The following GPC6 variants were observed in gnomAD, a reference collection of about 807,000 sequenced individuals.
GPC6 encodes glypican 6.
In GPC6, 14 loss-of-function variants were observed where a neutral mutation model predicts 55.2. The observed-to-expected ratio is 0.25, with a 90% CI of 0.17 to 0.40. The LOEUF (loss-of-function observed/expected upper bound fraction) is 0.40, where lower values mean the gene tolerates loss of function less well. Among genes scored for constraint, GPC6 ranks in the 10% least tolerant of loss-of-function variants. The pLI, the probability that GPC6 is intolerant of heterozygous loss-of-function variation, is 1.00. For synonymous variants in GPC6, 278 were observed against 259.6 expected (o/e 1.07, Z -0.68); for missense variants, 641 against 708.5 (o/e 0.90, Z 1.08).
chr13:93,904,789 G>A lies in GPC6; in HGVS notation c.711+74244G>A, dbSNP rs997427151. The stretch of plus-strand genomic sequence containing the variant: ...TCTACTTTTTTTAAAATTTATTATT[G>A]TTATACTTTAAGTTTTAGGGTACGT... On this transcript the variant is annotated intron_variant, in intron 3 of 8. Coordinates refer to ENST00000377047, the MANE Select transcript of GPC6 (RefSeq NM_005708.5). Among the ~76,000 whole-genome samples the A allele has an allele frequency of 2.0e-5, 3 of 151,992 alleles. No homozygotes were observed. In the East Asian group the frequency reaches 5.8e-4, roughly 30 times the overall value.
chr13:93,993,127 A>C (rs561655186), intron 3 of GPC6, among the ~76,000 whole-genome samples: 1 of 152,254 alleles, frequency 6.6e-6, no homozygotes, highest in East Asian at 1.9e-4. Context: ...CTAAGTCTGA[A>C]AACTAATAAT....
chr13:94,397,419 G>A (rs1360253316), intron 7 of GPC6, among the ~76,000 whole-genome samples: 1 of 152,050 alleles, frequency 6.6e-6, no homozygotes, highest in Non-Finnish European at 1.5e-5. Context: ...TGACATTTTG[G>A]TACAAGGGAA....
intron 2 of GPC6, among the ~76,000 whole-genome samples, chr13:93,783,995 A>G (rs76148526): frequency 6.6e-6 from 1 of 152,342 alleles, no homozygotes; most frequent in African/African-American, 2.4e-5. Context: ...ATAAAATGTT[A>G]TAAATGTTTC....
chr13:93,364,699 A>G (rs1881177877), intron 1 of GPC6, among the ~76,000 whole-genome samples: 1 of 145,294 alleles, frequency 6.9e-6, no homozygotes, highest in South Asian at 2.2e-4. Flanking sequence ...ATATATATAC[A>G]CACACACATA....
chr13:93,516,829 T>C (rs1170887764), intron 1 of GPC6, among the ~76,000 whole-genome samples: 2 of 152,120 alleles, frequency 1.3e-5, no homozygotes, highest in Non-Finnish European at 2.9e-5. Flanking sequence ...TAAAATCACC[T>C]CCAGCTTTTG....
chr13:94,174,941 G>T (rs1888693396), intron 4 of GPC6, among the ~76,000 whole-genome samples: 1 of 152,060 alleles, frequency 6.6e-6, no homozygotes, highest in Non-Finnish European at 1.5e-5. Context: ...GGTTCCTGTA[G>T]CTATCTCTGA....
At chr13:93,823,090 C>T (rs924396592) in intron 2 of GPC6, among the ~76,000 whole-genome samples, 1 of 151,918 alleles carries the variant, frequency 6.6e-6, no homozygotes. Flanking sequence ...GTCTCGATCT[C>T]CTGGCCTCAT....
intron 2 of GPC6, among the ~76,000 whole-genome samples, chr13:93,564,237 T>G (rs78794162): frequency 0.056 from 8,532 of 152,212 alleles, 302 homozygotes; most frequent in Non-Finnish European, 0.08. Flanking sequence ...TATTTAACTT[T>G]TTTTCCTAAT....
intron 1 of GPC6, among the ~76,000 whole-genome samples, chr13:93,497,975 A>G (rs1880371176): frequency 6.6e-6 from 1 of 152,150 alleles, no homozygotes; most frequent in Admixed American, 6.5e-5. Context: ...GTGCTCAAAT[A>G]TTTCTAACTT....
chr13:93,798,055 A>G (rs558681992), intron 2 of GPC6, among the ~76,000 whole-genome samples: 1 of 152,206 alleles, frequency 6.6e-6, no homozygotes, highest in Admixed American at 6.5e-5. Flanking sequence ...TCCCTGAAGG[A>G]TTGTTGAGAT....
chr13:93,422,078 C>G (rs1050808034), intron 1 of GPC6, among the ~76,000 whole-genome samples: 1 of 152,140 alleles, frequency 6.6e-6, no homozygotes, highest in Non-Finnish European at 1.5e-5. Context: ...TGATACACTT[C>G]CACTTTGGGC....
intron 4 of GPC6, among the ~76,000 whole-genome samples, chr13:94,224,878 C>T (rs1286748603): frequency 6.6e-6 from 1 of 152,138 alleles, no homozygotes. Context: ...CTCTTGGTAG[C>T]TATTGCTTTG....
Position 94,180,021 on chromosome 13 carries a change from C to T in GPC6, c.878-106328C>T, listed in dbSNP as rs138075182. On this transcript the variant is annotated intron_variant, in intron 4 of 8. Transcript: ENST00000377047. ...AATAGTGAGATGAGTGAGCAGGTACCATTGTGTGCAGGATTTGGTAGAGGC... is the reference window on the plus strand; with the variant it reads ...AATAGTGAGATGAGTGAGCAGGTACTATTGTGTGCAGGATTTGGTAGAGGC... Among the ~76,000 whole-genome samples, 4 of 152,210 alleles carry T rather than the reference C, an allele frequency of 2.6e-5. No homozygotes were observed. The East Asian group carries it at 7.7e-4, about 29-fold the overall frequency.
chr13:93,375,999 C>G (rs1874878727), intron 1 of GPC6, among the ~76,000 whole-genome samples: 1 of 150,938 alleles, frequency 6.6e-6, no homozygotes, highest in Non-Finnish European at 1.5e-5. Context: ...TGGTGGTGGA[C>G]TACCTCAGAG....
At chr13:94,101,701 T>C (rs1885866176) in intron 4 of GPC6, among the ~76,000 whole-genome samples, 1 of 151,958 alleles carries the variant, frequency 6.6e-6, no homozygotes, top group South Asian at 2.1e-4. Context: ...GAAAAAGCAA[T>C]AATAAAAGGT....
intron 4 of GPC6, among the ~76,000 whole-genome samples, chr13:94,085,590 C>T (rs553380484): frequency 1.1e-4 from 16 of 152,070 alleles, no homozygotes; most frequent in African/African-American, 3.9e-4. Flanking sequence ...ATTTTTATGA[C>T]CTTATTTTTT....
chr13:93,641,648 G>A (rs745445163), intron 2 of GPC6, among the ~76,000 whole-genome samples: 1 of 151,986 alleles, frequency 6.6e-6, no homozygotes, highest in Non-Finnish European at 1.5e-5. Flanking sequence ...CCAGAGGAGG[G>A]CCTGGGTCAC....
chr13:93,676,166 T>TACACAC (rs1566481823), intron 2 of GPC6, among the ~76,000 whole-genome samples: 1 of 35,656 alleles, frequency 2.8e-5, no homozygotes, highest in African/African-American at 8.9e-5. Flanking sequence ...TATATATATA[T>TACACAC]ATACATACAC....
At chr13:93,732,216 G>A (rs777553884) in intron 2 of GPC6, among the ~76,000 whole-genome samples, 3 of 152,042 alleles carry the variant, frequency 2.0e-5, no homozygotes, top group South Asian at 2.1e-4. Context: ...GTAGGAGGCC[G>A]GCTCCTTGCT....
Sources: allele counts gnomAD v4.1 joint callset (sites outside exome capture counted in the v4.1 genomes callset), GRCh38; gene constraint gnomAD v4.1.1; transcripts MANE v1.5; gene names NCBI Gene and HGNC (gene_info 2026-07-23, HGNC 2026-07-21).